CERS6: variants seen among roughly 807,000 people sequenced by gnomAD.
CERS6 encodes ceramide synthase 6, also known as LAG1 homolog, ceramide synthase 6.
Under a neutral mutation model 56.8 loss-of-function variants are expected in CERS6, and 26 were observed. The observed-to-expected ratio is 0.46, with a 90% CI of 0.34 to 0.63. CERS6 has a LOEUF of 0.63. Among genes scored for constraint, CERS6 ranks in the 30% least tolerant of loss-of-function variants. The pLI, the probability that CERS6 is intolerant of heterozygous loss-of-function variation, is 0.01. For missense variants in CERS6, 415 were observed against 467.5 expected (o/e 0.89, Z 1.04); for synonymous variants, 164 against 173.3 (o/e 0.95, Z 0.42).
chr2:168,557,062 G>C (rs1695695003), intron 2 of CERS6, among the ~76,000 whole-genome samples: 1 of 150,822 alleles, frequency 6.6e-6, no homozygotes, highest in South Asian at 2.1e-4. Context: ...TACCTGGAAG[G>C]CTAAGGTGGG....
intron 8 of CERS6, among the ~76,000 whole-genome samples, chr2:168,721,107 C>T (rs910678543): frequency 6.6e-6 from 1 of 152,172 alleles, no homozygotes. Flanking sequence ...GCCAGTCACT[C>T]CTCATTCTTC....
intron 8 of CERS6, among the ~76,000 whole-genome samples, chr2:168,736,583 G>A (rs2105420814): frequency 6.6e-6 from 1 of 152,214 alleles, no homozygotes; most frequent in East Asian, 1.9e-4. Context: ...TCCTGCCTCA[G>A]CCTCCAGTGC....
chr2:168,475,822 G>A (rs750038011), intron 1 of CERS6, among the ~76,000 whole-genome samples: 3 of 152,140 alleles, frequency 2.0e-5, no homozygotes, highest in African/African-American at 4.8e-5. Flanking sequence ...CCCCAGTGTG[G>A]TAGTGTTTGT....
intron 3 of CERS6, among the ~76,000 whole-genome samples, chr2:168,625,668 A>G (rs1684574654): frequency 6.6e-6 from 1 of 152,202 alleles, no homozygotes; most frequent in African/African-American, 2.4e-5. Context: ...TCCATGTTGC[A>G]GCATCCAGAA....
intron 3 of CERS6, among the ~76,000 whole-genome samples, chr2:168,614,382 T>C (rs1363883251): frequency 6.6e-6 from 1 of 152,232 alleles, no homozygotes. Flanking sequence ...AGATGAGGCA[T>C]GATTTTAAAT....
chr2:168,631,930 G>A (rs1035155853), intron 4 of CERS6, among the ~76,000 whole-genome samples: 5 of 139,706 alleles, frequency 3.6e-5, no homozygotes, highest in Admixed American at 7.8e-5. Context: ...TCTCTCTCTC[G>A]CCTAGTTACT....
chr2:168,632,835 G>GGCTTT (rs1270534131), intron 4 of CERS6, among the ~76,000 whole-genome samples: 4 of 152,024 alleles, frequency 2.6e-5, no homozygotes, highest in Non-Finnish European at 5.9e-5. Context: ...GTTGGTGAGG[G>GGCTTT]GCTTTGTTGG....
At chr2:168,582,731 A>G (rs924735949) in intron 3 of CERS6, among the ~76,000 whole-genome samples, 2 of 152,172 alleles carry the variant, frequency 1.3e-5, no homozygotes, top group South Asian at 2.1e-4. Flanking sequence ...GTCCAGTGCA[A>G]TTCCCAAATT....
In CERS6 at chr2:168,596,553, C is replaced by A. The variant is rs944774179; in HGVS notation, c.408-34432C>A. 2.9e-4 allele frequency among the ~76,000 whole-genome samples: 40 copies of A among 136,724 alleles called. 1 individual carries two copies. The highest frequency in any genetic ancestry group is 1.2e-3 in the African/African-American group (38 of 32,150). 89.7% of individuals were successfully genotyped at this position (136,724 alleles called of 152,430 possible). A position where few individuals can be genotyped will look rare whatever the true frequency, so the allele number is the denominator to read the frequency against. Reference sequence around the variant, plus strand: ...CATTGTTTCAGGGCCCCATCCCCCCCCCTTTTTTTTTTTTTTTTGAGACTG... The same window carrying A: ...CATTGTTTCAGGGCCCCATCCCCCCACCTTTTTTTTTTTTTTTTGAGACTG... On this transcript the variant is annotated intron_variant, in intron 3 of 9. Coordinates refer to ENST00000305747, the MANE Select transcript of CERS6 (RefSeq NM_203463.3).
intron 7 of CERS6, among the ~76,000 whole-genome samples, chr2:168,716,016 A>C (rs1559064957): frequency 6.6e-6 from 1 of 152,118 alleles, no homozygotes; most frequent in Non-Finnish European, 1.5e-5. Context: ...TAGACTAGAC[A>C]TGCCCTCAAA....
At chr2:168,499,265 A>G (rs1694535849) in intron 1 of CERS6, among the ~76,000 whole-genome samples, 1 of 152,186 alleles carries the variant, frequency 6.6e-6, no homozygotes, top group African/African-American at 2.4e-5. Context: ...TGAGCAATAT[A>G]AGAGCCGAAA....
chr2:168,501,704 T>C (rs923155568), intron 1 of CERS6, among the ~76,000 whole-genome samples: 8 of 152,192 alleles, frequency 5.3e-5, no homozygotes, highest in African/African-American at 1.9e-4. Context: ...TTTAATGATT[T>C]CATCAATCTG....
chr2:168,728,866 C>T (rs1683430324), intron 8 of CERS6, among the ~76,000 whole-genome samples: 1 of 151,566 alleles, frequency 6.6e-6, no homozygotes, highest in Non-Finnish European at 1.5e-5. Flanking sequence ...AATAGCCGGG[C>T]ATGGTGGCAC....
At chr2:168,655,515 G>A (rs532142082) in intron 4 of CERS6, among the ~76,000 whole-genome samples, 1 of 152,320 alleles carries the variant, frequency 6.6e-6, no homozygotes, top group East Asian at 1.9e-4. Flanking sequence ...AAATGTGTAT[G>A]TACACACAAT....
rs1683774244 is a variant in CERS6 at position 168,595,393 on chromosome 2, G to A, written c.407+34071G>A. ...CTTCCCTTTCATGTGGTTTTTGCTT[G>A]AGAGTTCTTGGACCAAGGTTAGATT... On this transcript the variant is annotated intron_variant, in intron 3 of 9. Coordinates refer to ENST00000305747, the MANE Select transcript of CERS6 (RefSeq NM_203463.3). 3.3e-5 allele frequency among the ~76,000 whole-genome samples: 5 copies of A among 152,190 alleles called. 1 individual carries two copies. The South Asian group carries it at 1.0e-3, about 32-fold the overall frequency.
intron 1 of CERS6, among the ~76,000 whole-genome samples, chr2:168,468,060 C>T (rs1206523772): frequency 1.3e-5 from 2 of 152,020 alleles, no homozygotes; most frequent in Non-Finnish European, 2.9e-5. Flanking sequence ...GCTTTTAAGC[C>T]TTTTCTTCTC....
chr2:168,737,283 C>G (rs1683745023), intron 8 of CERS6, among the ~76,000 whole-genome samples: 1 of 152,192 alleles, frequency 6.6e-6, no homozygotes, highest in African/African-American at 2.4e-5. Context: ...AAGTGCCTCC[C>G]AGGAGAGACT....
intron 2 of CERS6, among the ~76,000 whole-genome samples, chr2:168,555,327 G>T (rs1409497548): frequency 1.3e-5 from 2 of 151,746 alleles, no homozygotes; most frequent in Non-Finnish European, 2.9e-5. Flanking sequence ...GAAAACATTG[G>T]TAATGAAAGT....
chr2:168,485,600 T>G (rs1221142395), intron 1 of CERS6, among the ~76,000 whole-genome samples: 1 of 152,204 alleles, frequency 6.6e-6, no homozygotes, highest in African/African-American at 2.4e-5. Flanking sequence ...AATCATACAG[T>G]GTGTAACCTT....
Sources: gnomAD v4.1 joint callset for allele counts (sites outside exome capture counted in the v4.1 genomes callset) on GRCh38, gnomAD v4.1.1 for gene constraint, MANE v1.5 for transcripts, NCBI Gene and HGNC (gene_info 2026-07-23, HGNC 2026-07-21) for gene names.